The following CNTN4 variants were observed in gnomAD, a reference collection of about 807,000 sequenced individuals.
CNTN4 encodes contactin 4.
A neutral mutation model predicts 122.5 loss-of-function variants in CNTN4; 77 were observed. The ratio of observed to expected loss-of-function variants is 0.63; its 90% confidence interval spans 0.52 to 0.76. The LOEUF (loss-of-function observed/expected upper bound fraction) is 0.76, where lower values mean the gene tolerates loss of function less well. Among genes scored for constraint, CNTN4 ranks in the 30% least tolerant of loss-of-function variants. The probability of loss-of-function intolerance (pLI) is 0.00; values close to 1 mark genes in which losing one functional copy is unlikely to be tolerated. For synonymous variants in CNTN4, 512 were observed against 447.0 expected (o/e 1.15, Z -1.83); for missense variants, 1,256 against 1,259.1 (o/e 1.00, Z 0.04).
rs547768724 is a variant in CNTN4 at position 2,742,697 on chromosome 3, C to G, written c.183-2825C>G. On this transcript the variant is annotated intron_variant, in intron 5 of 24. Transcript: ENST00000418658. ...GTTCCTCAAATGATTCAGAAATCAG[C>G]TTATGAGACTCACAAATTTCTCTTG... Among the ~76,000 whole-genome samples the G allele has an allele frequency of 4.3e-4, 65 of 152,298 alleles. 2 individuals carry two copies. In the South Asian group the frequency reaches 0.013, roughly 31 times the overall value.
intron 2 of CNTN4, among the ~76,000 whole-genome samples, chr3:2,257,170 GA>G (rs1358397952): frequency 2.2e-4 from 34 of 152,244 alleles, no homozygotes; most frequent in African/African-American, 7.9e-4. Context: ...ACTAACCTGA[GA>G]AAGACAAGCA....
intron 3 of CNTN4, among the ~76,000 whole-genome samples, chr3:2,501,966 A>G (rs1157423719): frequency 6.6e-6 from 1 of 152,224 alleles, no homozygotes; most frequent in African/African-American, 2.4e-5. Flanking sequence ...AAAATATTGC[A>G]TGGAATTACC....
intron 3 of CNTN4, among the ~76,000 whole-genome samples, chr3:2,413,330 T>G (rs1419952824): frequency 6.6e-6 from 1 of 152,176 alleles, no homozygotes; most frequent in Non-Finnish European, 1.5e-5. Context: ...ATTTTCAGAA[T>G]CCAGATATTA....
chr3:2,598,124 A>G (rs2080858974), intron 4 of CNTN4, among the ~76,000 whole-genome samples: 1 of 152,166 alleles, frequency 6.6e-6, no homozygotes, highest in Non-Finnish European at 1.5e-5. Flanking sequence ...CAAGCCTGGC[A>G]GCATCTTATT....
At chr3:2,468,923 T>A (rs771940421) in intron 3 of CNTN4, among the ~76,000 whole-genome samples, 1 of 152,308 alleles carries the variant, frequency 6.6e-6, no homozygotes, top group Non-Finnish European at 1.5e-5. Context: ...TGTAAGACTT[T>A]CCTTGTAGCT....
At chr3:2,326,522 ACACAC>A (rs2043469791) in intron 2 of CNTN4, among the ~76,000 whole-genome samples, 1 of 106,854 alleles carries the variant, frequency 9.4e-6, no homozygotes, top group African/African-American at 2.9e-5. Flanking sequence ...ACACACACAC[ACACAC>A]AATCTTACTG....
intron 2 of CNTN4, among the ~76,000 whole-genome samples, chr3:2,291,385 CAAAT>C (rs1185823666): frequency 6.6e-6 from 1 of 152,062 alleles, no homozygotes; most frequent in Non-Finnish European, 1.5e-5. Context: ...TTAAAAATGA[CAAAT>C]AAATTTTGAC....
chr3:2,763,056 C>T (rs2090667658), intron 6 of CNTN4, among the ~76,000 whole-genome samples: 1 of 151,742 alleles, frequency 6.6e-6, no homozygotes, highest in African/African-American at 2.4e-5. Context: ...ATTCTCCCGC[C>T]TCAGCCTCCC....
intron 2 of CNTN4, among the ~76,000 whole-genome samples, chr3:2,198,890 A>G (rs766611926): frequency 2.6e-5 from 4 of 152,190 alleles, no homozygotes; most frequent in Non-Finnish European, 5.9e-5. Context: ...CTATTCCAAT[A>G]TACCAGCCGA....
chr3:2,448,258 G>A (rs1268254979), intron 3 of CNTN4, among the ~76,000 whole-genome samples: 2 of 152,182 alleles, frequency 1.3e-5, no homozygotes, highest in Non-Finnish European at 2.9e-5. Flanking sequence ...GTAGTGTCCA[G>A]TTGGAAGCAT....
At chr3:2,656,998 T>A (rs9942093) in intron 4 of CNTN4, among the ~76,000 whole-genome samples, 21,709 of 152,154 alleles carry the variant, frequency 0.14, 1,611 homozygotes, top group Admixed American at 0.2. Flanking sequence ...TACAGTGGTG[T>A]TTTGATGTGA....
intron 3 of CNTN4, among the ~76,000 whole-genome samples, chr3:2,451,711 G>A (rs140333849): frequency 3.9e-5 from 6 of 151,928 alleles, no homozygotes; most frequent in South Asian, 2.1e-4. Flanking sequence ...AGTTTTTTGC[G>A]CTGATGAAGT....
In CNTN4 at chr3:2,668,486, T is replaced by C. The variant is rs151224785; in HGVS notation, c.56-67729T>C. ...GAAGTTGCTTATCAACTTAAGGAGA[T>C]TTTGGGCTGAGACAATGGGGTTTTC... On this transcript the variant is annotated intron_variant, in intron 4 of 24. Transcript: ENST00000418658. Among the ~76,000 whole-genome samples the C allele has an allele frequency of 6.9e-3, 1,053 of 152,314 alleles. 7 individuals are homozygous for C. Among genetic ancestry groups the C allele is most frequent in the Non-Finnish European group, 0.012 (812 of 68,016 alleles).
rs1186244141 is a variant in CNTN4 at position 2,238,846 on chromosome 3, G to T, written c.-144-100332G>T. Reference sequence around the variant, plus strand: ...GGGTTCCCGCCATTCTCCCGCCTCAGCCTCCCGAGTAGCTGGGACTACAGG... The same window carrying T: ...GGGTTCCCGCCATTCTCCCGCCTCATCCTCCCGAGTAGCTGGGACTACAGG... On this transcript the variant is annotated intron_variant, in intron 2 of 24. Transcript: ENST00000418658. 3.1e-5 allele frequency: 3 copies of T among 96,290 alleles called. 1 individual carries two copies. The highest frequency in any genetic ancestry group is 1.3e-4 in the Admixed American group (1 of 7,802). 6.0% of individuals were successfully genotyped at this position (96,290 alleles called of 1,614,324 possible).
chr3:2,143,499 C>T (rs1002513819), intron 2 of CNTN4, among the ~76,000 whole-genome samples: 1 of 152,100 alleles, frequency 6.6e-6, no homozygotes, highest in Non-Finnish European at 1.5e-5. Context: ...ATACTATTCT[C>T]GATTTAGACA....
Position 3,030,902 on chromosome 3 carries a change from T to C in CNTN4, c.1710T>C (p.His570=). The change falls in exon 16 of 25, where the codon CAT becomes CAC. Residue 570 remains histidine, a synonymous_variant. Transcript: ENST00000418658. The part of the protein sequence containing the change: ...DLMIRNIQLK[H]AGKYVCMVQT... ...TGATCCGAAACATCCAACTGAAGCATGCTGGGAAATATGTCTGCATGGTCC... is the reference window on the plus strand; with the variant it reads ...TGATCCGAAACATCCAACTGAAGCACGCTGGGAAATATGTCTGCATGGTCC... 1 of 1,614,092 alleles carries C rather than the reference T, an allele frequency of 6.2e-7. No individual in the cohort carries two copies. Among genetic ancestry groups the C allele is most frequent in the Non-Finnish European group, 8.5e-7 (1 of 1,179,944 alleles).
chr3:2,145,949 T>TTG (rs1433132604), intron 2 of CNTN4, among the ~76,000 whole-genome samples: 1 of 150,978 alleles, frequency 6.6e-6, no homozygotes, highest in African/African-American at 2.4e-5. Context: ...CATTCTTAGT[T>TTG]TTTTTTTTTT....
At chr3:2,646,226 A>G (rs549433846) in intron 4 of CNTN4, among the ~76,000 whole-genome samples, 1 of 152,054 alleles carries the variant, frequency 6.6e-6, no homozygotes, top group South Asian at 2.1e-4. Flanking sequence ...CAGACATGGT[A>G]TCTGGTCTGT....
chr3:2,745,468 A>G, intron 5 of CNTN4, 54 bp from the exon 6 acceptor site: 1 of 1,366,566 alleles, frequency 7.3e-7, no homozygotes, highest in Non-Finnish European at 1.0e-6. Flanking sequence ...TAGACAATTC[A>G]GAAATATTGA....
Sources: gnomAD v4.1 joint callset for allele counts (sites outside exome capture counted in the v4.1 genomes callset) on GRCh38, gnomAD v4.1.1 for gene constraint, MANE v1.5 for transcripts, NCBI Gene and HGNC (gene_info 2026-07-23, HGNC 2026-07-21) for gene names.